The following NID1 variants were observed in gnomAD, a reference collection of about 807,000 sequenced individuals.
NID1 encodes nidogen 1, also known as nidogen-1.
Under a neutral mutation model 130.6 loss-of-function variants are expected in NID1, and 76 were observed. That is an observed-to-expected ratio of 0.58 (90% CI 0.48 to 0.70). The LOEUF (loss-of-function observed/expected upper bound fraction) is 0.70, where lower values mean the gene tolerates loss of function less well. Ranked by LOEUF, NID1 falls within the 30% of genes least tolerant of loss-of-function variation. The probability of loss-of-function intolerance (pLI) is 0.00; values close to 1 mark genes in which losing one functional copy is unlikely to be tolerated. For synonymous variants in NID1, 665 were observed against 675.1 expected (o/e 0.98, Z 0.23); for missense variants, 1,517 against 1,664.8 (o/e 0.91, Z 1.54).
chr1:236,001,773 C>G (rs1558428005), intron 12 of NID1, among the ~76,000 whole-genome samples: 1 of 152,150 alleles, frequency 6.6e-6, no homozygotes, highest in Non-Finnish European at 1.5e-5. Context: ...GGTCGTAAAC[C>G]AGCATGGAAG....
chr1:236,031,396 G>A (rs899768869), intron 6 of NID1, among the ~76,000 whole-genome samples: 4 of 152,210 alleles, frequency 2.6e-5, no homozygotes, highest in African/African-American at 9.6e-5. Flanking sequence ...GGGATTACTG[G>A]CGTGAGCCAC....
intron 12 of NID1, among the ~76,000 whole-genome samples, chr1:235,996,703 A>G (rs1488985820): frequency 6.6e-6 from 1 of 152,160 alleles, no homozygotes; most frequent in African/African-American, 2.4e-5. Context: ...TTGACCTCCC[A>G]AAGTACTGGG....
chr1:236,005,488 A>T (rs781497145), intron 12 of NID1, among the ~76,000 whole-genome samples: 1 of 152,246 alleles, frequency 6.6e-6, no homozygotes, highest in African/African-American at 2.4e-5. Flanking sequence ...ACACTTTGAC[A>T]GAAAATTTCT....
At chr1:236,038,054 A>C (rs1659312198) in intron 5 of NID1, 50 bp downstream of exon 5, 1 of 1,552,732 alleles carries the variant, frequency 6.4e-7, no homozygotes, top group South Asian at 1.2e-5. Context: ...CAAAACAAAA[A>C]CTCCGCTCCT....
chr1:236,005,500 T>TTACTAAAAAGATTTCTTC (rs1459635163), intron 12 of NID1, among the ~76,000 whole-genome samples: 1 of 152,192 alleles, frequency 6.6e-6, no homozygotes, highest in African/African-American at 2.4e-5. Context: ...AAAATTTCTT[T>TTACTAAAAAGATTTCTTC]TACTAAAAAG....
chr1:236,018,743 A>T (rs1658672024), intron 9 of NID1, among the ~76,000 whole-genome samples: 1 of 152,222 alleles, frequency 6.6e-6, no homozygotes, highest in South Asian at 2.1e-4. Context: ...CTAGCCTAAA[A>T]CAAATTTAGA....
intron 8 of NID1, among the ~76,000 whole-genome samples, chr1:236,024,475 G>A (rs1001660636): frequency 1.3e-5 from 2 of 152,182 alleles, no homozygotes; most frequent in African/African-American, 2.4e-5. Flanking sequence ...GTGCTACCAC[G>A]GCAGAGCTGA....
intron 3 of NID1, 98 bp from the exon 4 acceptor site, chr1:236,042,390 C>T (rs1659479943): frequency 6.9e-7 from 1 of 1,446,820 alleles, no homozygotes; most frequent in African/African-American, 1.4e-5. Flanking sequence ...TGTTGGTCTG[C>T]AAGCCATCAC....
At chr1:236,060,219 T>A (rs1283346606) in intron 1 of NID1, among the ~76,000 whole-genome samples, 1 of 152,138 alleles carries the variant, frequency 6.6e-6, no homozygotes, top group East Asian at 1.9e-4. Flanking sequence ...GGATTATTCA[T>A]GCCTCCCCTT....
intron 1 of NID1, among the ~76,000 whole-genome samples, chr1:236,050,154 G>A (rs918343773): frequency 6.6e-6 from 1 of 152,192 alleles, no homozygotes; most frequent in African/African-American, 2.4e-5. Context: ...GCAACACTGG[G>A]ATTTGAACCC....
At chr1:236,029,972 A>G (rs886644886) in intron 6 of NID1, among the ~76,000 whole-genome samples, 3 of 152,160 alleles carry the variant, frequency 2.0e-5, no homozygotes, top group African/African-American at 7.2e-5. Context: ...GCCACAGCCC[A>G]GCATCTGTTG....
At position 236,045,027 on chromosome 1, in the gene NID1, C is replaced by T. The variant is rs967623797; in HGVS notation, c.752+430G>A. On this transcript the variant is annotated intron_variant, in intron 3 of 19. Coordinates refer to ENST00000264187, the MANE Select transcript of NID1 (RefSeq NM_002508.3). ...CAGCCTGGCCAACATGGTGAAACCC[C>T]GTCTCTACTAAAAATACAAGAATTA... is the stretch of plus-strand genomic sequence containing the variant. Among the ~76,000 whole-genome samples the T allele has an allele frequency of 3.9e-5, 6 of 151,986 alleles. No homozygotes were observed. The East Asian group carries it at 1.2e-3, about 29-fold the overall frequency.
At chr1:236,013,799 C>A (rs1339187988) in intron 10 of NID1, among the ~76,000 whole-genome samples, 1 of 152,192 alleles carries the variant, frequency 6.6e-6, no homozygotes, top group Non-Finnish European at 1.5e-5. Flanking sequence ...GTCATTCCAC[C>A]TGGCTTGACC....
chr1:236,046,935 G>C (rs1659619918), intron 2 of NID1, among the ~76,000 whole-genome samples: 3 of 152,158 alleles, frequency 2.0e-5, no homozygotes, highest in African/African-American at 7.2e-5. Context: ...CACAGGTTTG[G>C]AGACTGCTCA....
rs149663242 is a variant in NID1, at chr1:236,052,528, T to C, written c.226-3539A>G. Among the ~76,000 whole-genome samples, 494 of 152,342 alleles carry C rather than the reference T, an allele frequency of 3.2e-3. 4 individuals are homozygous for C. Among genetic ancestry groups the C allele is most frequent in the Admixed American group, 5.2e-3 (79 of 15,300 alleles). On this transcript the variant is annotated intron_variant, in intron 1 of 19. Transcript: ENST00000264187. ...CCTCTTTCTCACCACCCACGCTGCA[T>C]GTCCTGTCTCCAACTACAGCAGGTC...
At chr1:236,027,311 T>C (rs1034167771) in intron 7 of NID1, among the ~76,000 whole-genome samples, 1 of 152,074 alleles carries the variant, frequency 6.6e-6, no homozygotes, top group South Asian at 2.1e-4. Context: ...TGCTCCATAA[T>C]AGAAGCATAA....
intron 2 of NID1, among the ~76,000 whole-genome samples, chr1:236,047,901 C>T (rs1659651559): frequency 6.6e-6 from 1 of 151,822 alleles, no homozygotes; most frequent in Admixed American, 6.6e-5. Context: ...TGGCCCATGC[C>T]TGTAATCCCA....
chr1:236,049,625 T>C (rs1473028153), intron 1 of NID1, among the ~76,000 whole-genome samples: 2 of 152,246 alleles, frequency 1.3e-5, no homozygotes, highest in Non-Finnish European at 2.9e-5. Flanking sequence ...GTATGGGGCA[T>C]TATGGTATCA....
chr1:236,030,192 G>A (rs774271448), intron 6 of NID1, among the ~76,000 whole-genome samples: 10 of 152,194 alleles, frequency 6.6e-5, no homozygotes, highest in African/African-American at 1.4e-4. Flanking sequence ...AAATAGCTAC[G>A]TCCTGGTTGG....
Sources: gnomAD v4.1 joint callset for allele counts (sites outside exome capture counted in the v4.1 genomes callset) on GRCh38, gnomAD v4.1.1 for gene constraint, MANE v1.5 for transcripts, NCBI Gene and HGNC (gene_info 2026-07-23, HGNC 2026-07-21) for gene names.